NAV2: variants seen among roughly 807,000 people sequenced by gnomAD.
NAV2 encodes neuron navigator 2.
NAV2 carries 54 observed loss-of-function variants against 223.2 expected under a neutral mutation model. The observed-to-expected ratio is 0.24, with a 90% CI of 0.19 to 0.30. NAV2 has a LOEUF of 0.30. Ranked by LOEUF, NAV2 falls within the 10% of genes least tolerant of loss-of-function variation. NAV2 has a pLI of 1.00. For missense variants in NAV2, 2,806 were observed against 3,147.5 expected (o/e 0.89, Z 2.60); for synonymous variants, 1,279 against 1,239.3 (o/e 1.03, Z -0.67).
intron 11 of NAV2, among the ~76,000 whole-genome samples, chr11:19,990,261 G>T (rs975367302): frequency 6.6e-6 from 1 of 152,140 alleles, no homozygotes; most frequent in Non-Finnish European, 1.5e-5. Context: ...TGCAATTTTT[G>T]TATTGTTAGT....
At chr11:19,864,429 A>T (rs2061970471) in intron 3 of NAV2, among the ~76,000 whole-genome samples, 1 of 152,250 alleles carries the variant, frequency 6.6e-6, no homozygotes, top group South Asian at 2.1e-4. Flanking sequence ...AGGGAGATAT[A>T]TAGCAGTGCT....
At chr11:19,776,656 G>GTGTGTGTGTC (rs1217453592) in intron 1 of NAV2, among the ~76,000 whole-genome samples, 5 of 150,502 alleles carry the variant, frequency 3.3e-5, no homozygotes, top group African/African-American at 1.2e-4. Flanking sequence ...GTGTGTGTGT[G>GTGTGTGTGTC]TGTGTGTGTG....
At chr11:19,988,596 A>C (rs1233483149) in intron 11 of NAV2, among the ~76,000 whole-genome samples, 1 of 151,842 alleles carries the variant, frequency 6.6e-6, no homozygotes, top group African/African-American at 2.4e-5. Flanking sequence ...GAATGTTTTA[A>C]GTACTGAGAT....
intron 11 of NAV2, among the ~76,000 whole-genome samples, chr11:20,029,710 G>A (rs1317693015): frequency 6.6e-6 from 1 of 152,202 alleles, no homozygotes; most frequent in African/African-American, 2.4e-5. Flanking sequence ...CCTTGGCTAA[G>A]GGTCTAAAAA....
intron 1 of NAV2, among the ~76,000 whole-genome samples, chr11:19,647,018 T>C (rs1244950877): frequency 1.3e-5 from 2 of 152,198 alleles, no homozygotes; most frequent in East Asian, 3.9e-4. Context: ...AAATGCCAGC[T>C]GTTCCTGCCA....
At position 20,105,594 on chromosome 11, in the gene NAV2, G is replaced by A. The variant is rs765338729; in HGVS notation, c.6708G>A (p.Arg2236=). ...GTTTCCTTGGCCGATTCCTGAGGAGGAAGCTCATGGAAACAGAGATCAGTG... is the reference window on the plus strand; with the variant it reads ...GTTTCCTTGGCCGATTCCTGAGGAGAAAGCTCATGGAAACAGAGATCAGTG... ...VKGFLGRFLR[R]KLMETEISGR... is the part of the protein sequence containing the mutation. Residue 2236 remains arginine (R), a synonymous_variant, in exon 35 of 38, where the codon AGG becomes AGA. Coordinates refer to ENST00000349880, the MANE Select transcript of NAV2 (RefSeq NM_145117.5). The A allele has an allele frequency of 6.2e-6, 10 of 1,614,014 alleles. No individual in the cohort carries two copies. The highest frequency in any genetic ancestry group is 1.3e-5 in the African/African-American group (1 of 74,918).
At chr11:19,992,070 T>G (rs911612535) in intron 11 of NAV2, among the ~76,000 whole-genome samples, 4 of 152,226 alleles carry the variant, frequency 2.6e-5, no homozygotes, top group Non-Finnish European at 5.9e-5. Context: ...TTAACGATCT[T>G]CACTGGTTTC....
chr11:19,884,164 GA>G (rs2063384325), intron 5 of NAV2: 2 of 629,544 alleles, frequency 3.2e-6, no homozygotes, highest in Non-Finnish European at 5.6e-6. Context: ...GTGTGTCATA[GA>G]AAACAGTGGG....
intron 1 of NAV2, among the ~76,000 whole-genome samples, chr11:19,648,336 G>T (rs1278752492): frequency 1.3e-5 from 2 of 152,114 alleles, no homozygotes; most frequent in Admixed American, 1.3e-4. Flanking sequence ...ACATTCAGTG[G>T]TGCCATGGCA....
intron 1 of NAV2, among the ~76,000 whole-genome samples, chr11:19,738,437 A>G (rs1252512377): frequency 6.6e-6 from 1 of 152,236 alleles, no homozygotes; most frequent in African/African-American, 2.4e-5. Flanking sequence ...CAGGAGATGA[A>G]AAGATATCTC....
At chr11:19,965,775 A>G (rs190996260) in intron 10 of NAV2, among the ~76,000 whole-genome samples, 2 of 152,216 alleles carry the variant, frequency 1.3e-5, no homozygotes, top group Non-Finnish European at 2.9e-5. Context: ...CCATTTCATT[A>G]TGTTCATGGG....
intron 7 of NAV2, among the ~76,000 whole-genome samples, chr11:19,938,882 G>A (rs1337725228): frequency 6.6e-6 from 1 of 152,212 alleles, no homozygotes; most frequent in Non-Finnish European, 1.5e-5. Context: ...TTCTTCACAG[G>A]TAGTGAAATC....
At chr11:19,971,858 A>G (rs1330246045) in intron 10 of NAV2, among the ~76,000 whole-genome samples, 1 of 152,046 alleles carries the variant, frequency 6.6e-6, no homozygotes, top group Non-Finnish European at 1.5e-5. Flanking sequence ...ACGTGCCACT[A>G]TGTCCAGCTA....
chr11:19,425,836 T>A (rs920258523), intron 1 of NAV2, among the ~76,000 whole-genome samples: 1 of 152,208 alleles, frequency 6.6e-6, no homozygotes, highest in Non-Finnish European at 1.5e-5. Flanking sequence ...CCCAGGCCTG[T>A]AATTCTGAAC....
intron 1 of NAV2, among the ~76,000 whole-genome samples, chr11:19,801,260 A>G (rs2058236680): frequency 6.6e-6 from 1 of 152,220 alleles, no homozygotes; most frequent in African/African-American, 2.4e-5. Flanking sequence ...AATGGTAGTC[A>G]GTCTGTGGTG....
intron 1 of NAV2, among the ~76,000 whole-genome samples, chr11:19,454,700 C>A (rs1451681158): frequency 1.3e-5 from 2 of 152,074 alleles, no homozygotes; most frequent in Non-Finnish European, 2.9e-5. Context: ...GAGACTGTAA[C>A]CGTGAATTAA....
At chr11:19,512,000 T>G (rs1288169697) in intron 1 of NAV2, among the ~76,000 whole-genome samples, 2 of 152,256 alleles carry the variant, frequency 1.3e-5, no homozygotes, top group African/African-American at 4.8e-5. Flanking sequence ...GTGGCCAGAA[T>G]TCTGCACATT....
intron 1 of NAV2, among the ~76,000 whole-genome samples, chr11:19,787,894 G>C (rs576702263): frequency 6.6e-6 from 1 of 152,258 alleles, no homozygotes; most frequent in Admixed American, 6.5e-5. Context: ...TAGCTAGCAG[G>C]AGGGGCTCAT....
chr11:19,538,519 G>GTT (rs67680795), intron 1 of NAV2, among the ~76,000 whole-genome samples: 1 of 140,414 alleles, frequency 7.1e-6, no homozygotes. Flanking sequence ...TTTTGTTTTT[G>GTT]TTTTTTTTTT....
Sources: allele counts gnomAD v4.1 joint callset (sites outside exome capture counted in the v4.1 genomes callset), GRCh38; gene constraint gnomAD v4.1.1; transcripts MANE v1.5; gene names NCBI Gene and HGNC (gene_info 2026-07-23, HGNC 2026-07-21).